The following VPS13B variants were observed in gnomAD, a reference collection of about 807,000 sequenced individuals.
The protein encoded by VPS13B is intermembrane lipid transfer protein VPS13B.
Under a neutral mutation model 426.4 loss-of-function variants are expected in VPS13B, and 285 were observed. That is an observed-to-expected ratio of 0.67 (90% CI 0.61 to 0.74). The LOEUF is 0.74. VPS13B is among the 30% of genes least tolerant of loss of function. The pLI is 0.00. For missense variants in VPS13B, 4,537 were observed against 4,782.6 expected, an observed-to-expected ratio of 0.95 and a Z score of 1.51; for synonymous variants, 1,676 against 1,676.4, an observed-to-expected ratio of 1.00 and a Z score of 0.01.
At chr8:99,482,877 A>G (rs1009285639) in intron 25 of VPS13B, among the ~76,000 whole-genome samples, 7 of 152,140 alleles carry the variant, frequency 4.6e-5, no homozygotes, top group African/African-American at 1.7e-4. Context: ...CCCAATAATG[A>G]TACACAAACA....
At chr8:99,490,770 T>C (rs200495634) in intron 25 of VPS13B, among the ~76,000 whole-genome samples, 4 of 152,072 alleles carry the variant, frequency 2.6e-5, no homozygotes, top group Non-Finnish European at 4.4e-5. Context: ...TTTTTTATTG[T>C]GTCTATTTGA....
chr8:99,667,538 A>T (rs1355792133), intron 35 of VPS13B, among the ~76,000 whole-genome samples: 1 of 152,270 alleles, frequency 6.6e-6, no homozygotes, highest in Middle Eastern at 3.4e-3. Context: ...TTTAAATGAT[A>T]TATCAGCTGT....
chr8:99,248,185 T>C (rs965401931), intron 17 of VPS13B, among the ~76,000 whole-genome samples: 1 of 152,204 alleles, frequency 6.6e-6, no homozygotes, highest in East Asian at 1.9e-4. Context: ...ATTCTTTTGG[T>C]ATAATAGCCT....
chr8:99,796,361 G>A (rs1325833464), intron 43 of VPS13B, among the ~76,000 whole-genome samples: 1 of 147,322 alleles, frequency 6.8e-6, no homozygotes, highest in Non-Finnish European at 1.5e-5. Context: ...TTTTTTTTTT[G>A]TCTTAATTAT....
intron 5 of VPS13B, among the ~76,000 whole-genome samples, chr8:99,103,800 A>G (rs1446395504): frequency 6.6e-6 from 1 of 151,780 alleles, no homozygotes; most frequent in East Asian, 1.9e-4. Flanking sequence ...CGCCTGGCCA[A>G]ATTTTTGTGT....
At chr8:99,529,425 T>TA (rs1238681438) in intron 30 of VPS13B, among the ~76,000 whole-genome samples, 2 of 152,182 alleles carry the variant, frequency 1.3e-5, no homozygotes, top group South Asian at 2.1e-4. Flanking sequence ...ACAGCAAAGA[T>TA]AAAAAACTTC....
chr8:99,631,103 A>G (rs1298802750), intron 33 of VPS13B, among the ~76,000 whole-genome samples: 1 of 152,176 alleles, frequency 6.6e-6, no homozygotes, highest in African/African-American at 2.4e-5. Context: ...AGTAGCAATT[A>G]GAAATACAGA....
chr8:99,699,906 G>C lies in VPS13B; in HGVS notation c.6428G>C (p.Ser2143Thr). ...CTCTCAAACCTCAATGGAAGCCTTA[G>C]TGTCAAGGCAACACAAAAAGTACCT... ...ASLSNLNGSL[S>T]VKATQKVPGI... is the part of the protein sequence containing the mutation. The change falls in exon 36 of 62, where the codon AGT becomes ACT. Residue 2143 changes from serine to threonine, a missense_variant. Ser to Thr is a moderately conservative substitution (Grantham distance 58). Around this residue, in one of 2 missense-constraint regions of VPS13B, gnomAD observed 4,311 missense variants for 4,474.3 expected, o/e 0.96. Transcript: ENST00000357162. 1 of 1,614,028 alleles carries C rather than the reference G, an allele frequency of 6.2e-7. No homozygotes were observed. The highest frequency in any genetic ancestry group is 1.3e-5 in the African/African-American group (1 of 75,050).
chr8:99,028,838 G>C (rs1296380282), intron 2 of VPS13B, among the ~76,000 whole-genome samples: 2 of 8,224 alleles, frequency 2.4e-4, no homozygotes, highest in African/African-American at 1.3e-3. Context: ...GGCTGGCCGG[G>C]CGGGGGGCTG....
chr8:99,697,011 C>T, intron 35 of VPS13B: 1 of 589,340 alleles, frequency 1.7e-6, no homozygotes. Context: ...TATGTGGGCC[C>T]TCCGCCTCAG....
intron 57 of VPS13B, among the ~76,000 whole-genome samples, 194 bp from the exon 58 acceptor site, chr8:99,861,582 G>A (rs553910562): frequency 3.3e-5 from 5 of 152,354 alleles, no homozygotes; most frequent in East Asian, 1.9e-4. Context: ...GATTACAGGC[G>A]TGAGCCACCA....
chr8:99,700,625 C>T (rs1481757502), intron 36 of VPS13B, among the ~76,000 whole-genome samples: 1 of 152,212 alleles, frequency 6.6e-6, no homozygotes, highest in African/African-American at 2.4e-5. Context: ...TGCAAAGTGA[C>T]TGCCATTGAT....
At chr8:99,344,187 T>C (rs989358957) in intron 19 of VPS13B, among the ~76,000 whole-genome samples, 6 of 152,148 alleles carry the variant, frequency 3.9e-5, no homozygotes, top group Admixed American at 3.9e-4. Flanking sequence ...TCAACAGAGA[T>C]GGCAAAAATG....
intron 43 of VPS13B, among the ~76,000 whole-genome samples, chr8:99,784,734 A>G (rs1253059099): frequency 6.6e-6 from 1 of 152,082 alleles, no homozygotes; most frequent in Admixed American, 6.6e-5. Flanking sequence ...CTCGAGAGCC[A>G]GGTTTGGATC....
At chr8:99,031,848 C>A (rs1238185954) in intron 2 of VPS13B, among the ~76,000 whole-genome samples, 1 of 152,222 alleles carries the variant, frequency 6.6e-6, no homozygotes, top group Non-Finnish European at 1.5e-5. Context: ...GATGCCAGGG[C>A]TATTGAGCCC....
Position 99,875,785 on chromosome 8 carries a change from C to A in VPS13B, c.*119C>A. 7 of 1,341,078 alleles carry A rather than the reference C, an allele frequency of 5.2e-6. No homozygotes were observed. The South Asian group carries it at 8.6e-5, about 16-fold the overall frequency. 83.1% of individuals were successfully genotyped at this position (1,341,078 alleles called of 1,614,324 possible). ...TTCTGGGGTTCAAGCAATCCTCCCA[C>A]CTCAACCCACAAGTAGCTACGACTG... On this transcript the variant is annotated 3_prime_UTR_variant, in exon 62 of 62. Transcript: ENST00000357162.
chr8:99,584,349 A>G (rs1826208525), intron 33 of VPS13B, among the ~76,000 whole-genome samples: 1 of 152,216 alleles, frequency 6.6e-6, no homozygotes, highest in East Asian at 1.9e-4. Flanking sequence ...GACATCAAGA[A>G]GACAATAAAA....
chr8:99,059,542 GC>G (rs1284560839), intron 3 of VPS13B, among the ~76,000 whole-genome samples: 1 of 152,102 alleles, frequency 6.6e-6, no homozygotes, highest in Admixed American at 6.6e-5. Context: ...CGGATGTGAA[GC>G]CCATGGATGC....
chr8:99,800,743 C>T (rs1813079587), intron 43 of VPS13B, among the ~76,000 whole-genome samples: 1 of 151,616 alleles, frequency 6.6e-6, no homozygotes, highest in African/African-American at 2.4e-5. Context: ...TAAACTTCAG[C>T]CAGAGATTGA....
Sources: gnomAD v4.1 joint callset for allele counts (sites outside exome capture counted in the v4.1 genomes callset) on GRCh38, gnomAD v4.1.1 for gene constraint, gnomAD v4.1.1 regional missense constraint, MANE v1.5 for transcripts, NCBI Gene and HGNC (gene_info 2026-07-23, HGNC 2026-07-21) for gene names.